Variants in EYS observed in about 807,000 individuals in gnomAD.
EYS encodes protein eyes shut homolog.
EYS carries 250 observed loss-of-function variants against 282.1 expected under a neutral mutation model. The observed-to-expected ratio is 0.89, with a 90% CI of 0.80 to 0.98. EYS has a LOEUF of 0.98. Ranked by LOEUF, EYS falls within the 50% of genes least tolerant of loss-of-function variation. The pLI is 0.00. For synonymous variants in EYS, 1,355 were observed against 1,282.9 expected, an observed-to-expected ratio of 1.06 and a Z score of -1.20; for missense variants, 4,016 against 3,709.0, an observed-to-expected ratio of 1.08 and a Z score of -2.15.
chr6:65,001,413 G>A (rs1330910027), intron 13 of EYS, among the ~76,000 whole-genome samples: 1 of 147,168 alleles, frequency 6.8e-6, no homozygotes. Context: ...AACTCCTCTT[G>A]GTATTCAGAT....
At chr6:63,913,063 G>A (rs2253395) in intron 35 of EYS, among the ~76,000 whole-genome samples, 107,707 of 152,052 alleles carry the variant, frequency 0.71, 38,274 homozygotes, top group Non-Finnish European at 0.73. Context: ...ATTCCTTTGT[G>A]TGTAAATGAA....
chr6:64,644,839 T>C (rs1768293702), intron 22 of EYS, among the ~76,000 whole-genome samples: 2 of 152,310 alleles, frequency 1.3e-5, no homozygotes, highest in Admixed American at 1.3e-4. Context: ...ATCATTTACC[T>C]GTGCCAGGCA....
intron 15 of EYS, among the ~76,000 whole-genome samples, chr6:64,928,557 G>T (rs1016089477): frequency 1.3e-5 from 2 of 151,696 alleles, no homozygotes; most frequent in African/African-American, 4.8e-5. Context: ...GCATCATTCT[G>T]GTTTTGTTTC....
At chr6:64,949,351 G>C (rs11758096) in intron 14 of EYS, among the ~76,000 whole-genome samples, 10,218 of 151,846 alleles carry the variant, frequency 0.067, 431 homozygotes, top group East Asian at 0.13. Context: ...GATTGTAGCA[G>C]AATTCATTTC....
intron 31 of EYS, among the ~76,000 whole-genome samples, chr6:64,158,526 T>A (rs1184573771): frequency 6.6e-6 from 1 of 152,308 alleles, no homozygotes; most frequent in Admixed American, 6.5e-5. Flanking sequence ...ATAATCTGTC[T>A]CTCTTTTCCC....
chr6:63,890,464 A>G (rs899930568), intron 35 of EYS, among the ~76,000 whole-genome samples: 1 of 152,258 alleles, frequency 6.6e-6, no homozygotes. Flanking sequence ...CCACACAACC[A>G]CATGGAAACT....
chr6:64,862,033 T>C (rs187873609), intron 19 of EYS, among the ~76,000 whole-genome samples: 80 of 152,352 alleles, frequency 5.3e-4, no homozygotes, highest in African/African-American at 1.9e-3. Context: ...AAAGTCTTTA[T>C]TTCTCTTTAA....
rs943589732 is a variant in EYS at position 65,582,110 on chromosome 6, C to T, written c.-333+57668G>A. Among the ~76,000 whole-genome samples, 10 of 151,620 alleles carry T rather than the reference C, an allele frequency of 6.6e-5. 1 individual carries two copies. Among genetic ancestry groups the T allele is most frequent in the African/African-American group, 9.7e-5 (4 of 41,288 alleles). On this transcript the variant is annotated intron_variant, in intron 2 of 42. Transcript: ENST00000503581. ...ACTCGGGAGGCTGAGGCAGGACAAT[C>T]GCTTGAACCCAGGAGGCGGAGGTTG...
At chr6:65,130,155 T>C (rs533155411) in intron 12 of EYS, among the ~76,000 whole-genome samples, 3 of 151,612 alleles carry the variant, frequency 2.0e-5, no homozygotes, top group African/African-American at 4.8e-5. Flanking sequence ...TGGAGCCTAG[T>C]AGAGGAGGGA....
intron 2 of EYS, among the ~76,000 whole-genome samples, chr6:65,514,121 A>G (rs1412288442): frequency 6.6e-6 from 1 of 151,998 alleles, no homozygotes; most frequent in Non-Finnish European, 1.5e-5. Flanking sequence ...ATGTACAAAA[A>G]TCACAAGCAT....
At chr6:64,738,448 C>T (rs1189868576) in intron 22 of EYS, among the ~76,000 whole-genome samples, 5 of 152,150 alleles carry the variant, frequency 3.3e-5, no homozygotes, top group Non-Finnish European at 7.3e-5. Context: ...GTACAAGGTG[C>T]AGAACTGTGA....
At chr6:64,961,673 T>G (rs890077716) in intron 14 of EYS, among the ~76,000 whole-genome samples, 1 of 152,146 alleles carries the variant, frequency 6.6e-6, no homozygotes, top group African/African-American at 2.4e-5. Flanking sequence ...TAAGGCATTT[T>G]CATGTATTCT....
At chr6:65,097,333 A>T (rs1439598245) in intron 12 of EYS, among the ~76,000 whole-genome samples, 1 of 150,926 alleles carries the variant, frequency 6.6e-6, no homozygotes, top group East Asian at 1.9e-4. Flanking sequence ...ATGATCAAAA[A>T]ACACAAGATA....
At chr6:64,518,780 G>GCCC (rs34658444) in intron 26 of EYS, among the ~76,000 whole-genome samples, 2 of 147,504 alleles carry the variant, frequency 1.4e-5, no homozygotes, top group African/African-American at 4.9e-5. Context: ...TTTATAAGGG[G>GCCC]CCCCCCCCTT....
chr6:64,595,251 T>TA (rs1052742772), intron 24 of EYS, among the ~76,000 whole-genome samples: 3 of 152,146 alleles, frequency 2.0e-5, no homozygotes, highest in African/African-American at 7.2e-5. Flanking sequence ...CACTTCATAA[T>TA]AAAAAGTCTC....
intron 7 of EYS, among the ~76,000 whole-genome samples, chr6:65,399,658 A>C (rs1766418890): frequency 6.6e-6 from 1 of 152,182 alleles, no homozygotes; most frequent in African/African-American, 2.4e-5. Context: ...AAAATATGTG[A>C]GCAATCTAAC....
chr6:64,130,132 A>G (rs910871146), intron 31 of EYS, among the ~76,000 whole-genome samples: 6 of 152,212 alleles, frequency 3.9e-5, no homozygotes, highest in Admixed American at 6.5e-5. Context: ...ATTACTGGGT[A>G]TATACCCAAA....
intron 12 of EYS, among the ~76,000 whole-genome samples, chr6:65,229,605 A>C (rs1766717433): frequency 6.6e-6 from 1 of 151,966 alleles, no homozygotes; most frequent in Non-Finnish European, 1.5e-5. Context: ...ACAAGAGTGC[A>C]GATGGGTGTG....
At chr6:63,956,658 C>T (rs1765838161) in intron 35 of EYS, among the ~76,000 whole-genome samples, 2 of 152,148 alleles carry the variant, frequency 1.3e-5, no homozygotes, top group Non-Finnish European at 2.9e-5. Flanking sequence ...TTTTGATATA[C>T]ATACATACAT....
Sources: gnomAD v4.1 joint callset for allele counts (sites outside exome capture counted in the v4.1 genomes callset) on GRCh38, gnomAD v4.1.1 for gene constraint, MANE v1.5 for transcripts, NCBI Gene and HGNC (gene_info 2026-07-23, HGNC 2026-07-21) for gene names.